TSPAN14: variants seen among roughly 807,000 people sequenced by gnomAD.
The protein encoded by TSPAN14 is tetraspanin 14, also known as tetraspanin-14.
TSPAN14 carries 16 observed loss-of-function variants against 36.6 expected under a neutral mutation model. The ratio of observed to expected loss-of-function variants is 0.44; its 90% confidence interval spans 0.30 to 0.66. The LOEUF (loss-of-function observed/expected upper bound fraction) is 0.66, where lower values mean the gene tolerates loss of function less well. Ranked by LOEUF, TSPAN14 falls within the 30% of genes least tolerant of loss-of-function variation. The pLI, the probability that TSPAN14 is intolerant of heterozygous loss-of-function variation, is 0.12. For missense variants in TSPAN14, 231 were observed against 355.1 expected (o/e 0.65, Z 2.81); for synonymous variants, 139 against 143.8 (o/e 0.97, Z 0.24).
chr10:80,485,724 G>A lies in TSPAN14; in HGVS notation c.-17-3493G>A, dbSNP rs998216385. 1.7e-5 allele frequency: 17 copies of A among 982,196 alleles called. No individual in the cohort carries two copies. The African/African-American group carries it at 1.7e-4, about 10-fold the overall frequency. 60.8% of individuals were successfully genotyped at this position (982,196 alleles called of 1,614,324 possible). ...GAGAGGTGCCTTCCCTCCCTGTCCC[G>A]AGGTTAGGTGGGTGGCAGGGGTGGG... On this transcript the variant is annotated intron_variant, in intron 1 of 8. Transcript: ENST00000429989.
intron 1 of TSPAN14, chr10:80,485,742 G>A: frequency 3.1e-6 from 3 of 959,608 alleles, no homozygotes; most frequent in Non-Finnish European, 3.7e-6. Flanking sequence ...GTGGGTGGCA[G>A]GGGTGGGAAA....
chr10:80,492,552 C>T (rs1394332863), intron 2 of TSPAN14, among the ~76,000 whole-genome samples: 2 of 152,158 alleles, frequency 1.3e-5, no homozygotes, highest in Non-Finnish European at 2.9e-5. Flanking sequence ...CGCGGTGGCT[C>T]ACATCTGTAA....
At chr10:80,454,649 A>T (rs941164423) in intron 1 of TSPAN14, among the ~76,000 whole-genome samples, 1 of 151,594 alleles carries the variant, frequency 6.6e-6, no homozygotes, top group Non-Finnish European at 1.5e-5. Flanking sequence ...CGGGGCCGGC[A>T]CTCCTGGTTC....
At chr10:80,522,534 T>A (rs1841315169) in exon 9 of TSPAN14, 1 of 152,070 alleles carries the variant, frequency 6.6e-6, no homozygotes, top group African/African-American at 2.4e-5. Context: ...AAAAAACTAC[T>A]ACAATAAATT....
exon 9 of TSPAN14, chr10:80,517,949 G>A (rs1564749940): frequency 6.4e-7 from 1 of 1,565,288 alleles, no homozygotes; most frequent in African/African-American, 1.3e-5. Flanking sequence ...CAGACATCGA[G>A]GCAGTGAAGG....
At chr10:80,507,528 A>G (rs932544796) in intron 4 of TSPAN14, among the ~76,000 whole-genome samples, 154 bp downstream of exon 4, 1 of 152,168 alleles carries the variant, frequency 6.6e-6, no homozygotes, top group Non-Finnish European at 1.5e-5. Context: ...TTTGCACTCT[A>G]CTGTCTAGAG....
chr10:80,482,027 A>G (rs1292646708), intron 1 of TSPAN14, among the ~76,000 whole-genome samples: 1 of 152,218 alleles, frequency 6.6e-6, no homozygotes, highest in Non-Finnish European at 1.5e-5. Context: ...TGCTGGGATT[A>G]CAGGCGTGAG....
chr10:80,476,903 G>C (rs1846947076), intron 1 of TSPAN14, among the ~76,000 whole-genome samples: 1 of 152,130 alleles, frequency 6.6e-6, no homozygotes, highest in Non-Finnish European at 1.5e-5. Flanking sequence ...GTCTCACAAA[G>C]CCCAAATCAA....
At chr10:80,495,069 A>G (rs972968565) in intron 2 of TSPAN14, among the ~76,000 whole-genome samples, 2 of 152,292 alleles carry the variant, frequency 1.3e-5, no homozygotes, top group East Asian at 3.9e-4. Flanking sequence ...TATCTTTCCA[A>G]TTGTATTTTT....
intron 1 of TSPAN14, among the ~76,000 whole-genome samples, chr10:80,464,455 C>G (rs1449964645): frequency 6.6e-6 from 1 of 152,116 alleles, no homozygotes; most frequent in Non-Finnish European, 1.5e-5. Flanking sequence ...GGTGCCCACT[C>G]TGTGTTGGGA....
intron 3 of TSPAN14, 98 bp from the exon 4 acceptor site, chr10:80,507,130 A>G (rs1287192587): frequency 5.4e-6 from 8 of 1,472,688 alleles, no homozygotes; most frequent in Non-Finnish European, 3.7e-6. Flanking sequence ...AGCCTGGGGA[A>G]GCAAGTCCCT....
chr10:80,482,497 AGGCTGG>A (rs1847335359), intron 1 of TSPAN14, among the ~76,000 whole-genome samples: 1 of 150,510 alleles, frequency 6.6e-6, no homozygotes, highest in Admixed American at 6.6e-5. Context: ...CATGTTGACC[AGGCTGG>A]TCTCAAACTC....
chr10:80,483,141 G>A (rs770881777), intron 1 of TSPAN14, among the ~76,000 whole-genome samples: 1 of 152,210 alleles, frequency 6.6e-6, no homozygotes, highest in Non-Finnish European at 1.5e-5. Context: ...TTAAAGGTGA[G>A]TACAACACTG....
intron 2 of TSPAN14, among the ~76,000 whole-genome samples, chr10:80,494,106 GA>G (rs1004413125): frequency 6.6e-6 from 1 of 152,222 alleles, no homozygotes; most frequent in Admixed American, 6.5e-5. Flanking sequence ...TGTTACACAG[GA>G]AAGTCCTTTG....
intron 2 of TSPAN14, among the ~76,000 whole-genome samples, chr10:80,502,562 G>A (rs1848579873): frequency 1.3e-5 from 2 of 152,056 alleles, no homozygotes; most frequent in Non-Finnish European, 2.9e-5. Context: ...AAAAGAGAAA[G>A]AAGGCACCAA....
chr10:80,486,499 G>A (rs948192537), intron 1 of TSPAN14, among the ~76,000 whole-genome samples: 2 of 152,248 alleles, frequency 1.3e-5, no homozygotes, highest in African/African-American at 4.8e-5. Flanking sequence ...CATCAAGGAG[G>A]AAGGGGGAAG....
At chr10:80,498,061 A>AC (rs1453587042) in intron 2 of TSPAN14, among the ~76,000 whole-genome samples, 18 of 152,208 alleles carry the variant, frequency 1.2e-4, no homozygotes, top group African/African-American at 3.6e-4. Flanking sequence ...AACACAGGAC[A>AC]GATAACTGCA....
intron 1 of TSPAN14, among the ~76,000 whole-genome samples, chr10:80,485,072 T>C (rs1847512802): frequency 6.6e-6 from 1 of 152,212 alleles, no homozygotes; most frequent in Non-Finnish European, 1.5e-5. Flanking sequence ...TTGAGACAGT[T>C]TGAGATCCTA....
At position 80,517,495 on chromosome 10, in the gene TSPAN14, G is replaced by A. The variant is rs192180375; in HGVS notation, c.742-410G>A. 2.1e-3 allele frequency among the ~76,000 whole-genome samples: 317 copies of A among 152,366 alleles called. 4 individuals are homozygous for A. The highest frequency in any genetic ancestry group is 0.017 in the Middle Eastern group (5 of 294). On this transcript the variant is annotated intron_variant, in intron 8 of 8. Transcript: ENST00000429989. ...TGGGGATGGCCTTGGTTTTATTATG[G>A]AATCGACGTTTACAGGAAACATTCA... is the stretch of plus-strand genomic sequence containing the variant.
Sources: allele counts gnomAD v4.1 joint callset (sites outside exome capture counted in the v4.1 genomes callset), GRCh38; gene constraint gnomAD v4.1.1; transcripts MANE v1.5; gene names NCBI Gene and HGNC (gene_info 2026-07-23, HGNC 2026-07-21).